Variants in GALNT13 observed in about 807,000 individuals in gnomAD.
GALNT13 encodes UDP-GalNAc:polypeptide N-acetylgalactosaminyltransferase 13.
GALNT13 carries 28 observed loss-of-function variants against 64.2 expected under a neutral mutation model. The observed-to-expected ratio is 0.44, with a 90% confidence interval of 0.32 to 0.60. The LOEUF (loss-of-function observed/expected upper bound fraction) is 0.60. GALNT13 is among the 20% of genes least tolerant of loss of function. GALNT13 has a pLI of 0.05. For synonymous variants in GALNT13, 214 were observed against 224.6 expected (o/e 0.95, Z 0.42); for missense variants, 577 against 669.8 (o/e 0.86, Z 1.53).
intron 8 of GALNT13, among the ~76,000 whole-genome samples, chr2:154,298,500 AC>A (rs1405555249): frequency 0.012 from 1,185 of 102,302 alleles, 20 homozygotes; most frequent in Non-Finnish European, 0.018. Context: ...AATTATATAT[AC>A]ATATATAAAT....
chr2:154,180,009 C>G (rs570474275), intron 4 of GALNT13, among the ~76,000 whole-genome samples: 2 of 152,066 alleles, frequency 1.3e-5, no homozygotes, highest in African/African-American at 4.8e-5. Context: ...AATTTCACAG[C>G]AAACTTTACA....
the GALNT13 span, among the ~76,000 whole-genome samples, chr2:153,593,942 T>C: frequency 6.6e-6 from 1 of 152,138 alleles, no homozygotes; most frequent in African/African-American, 2.4e-5. Flanking sequence ...AGGGCTTCTT[T>C]TTAACTCAAT....
intron 4 of GALNT13, among the ~76,000 whole-genome samples, chr2:154,209,303 A>C (rs1687641592): frequency 6.6e-6 from 1 of 152,160 alleles, no homozygotes; most frequent in South Asian, 2.1e-4. Context: ...TTAGGTCACA[A>C]ATCTCAGTGG....
the GALNT13 span, among the ~76,000 whole-genome samples, chr2:153,562,042 T>TTCTC: frequency 0.13 from 14,946 of 111,950 alleles, 1,259 homozygotes; most frequent in Non-Finnish European, 0.17. Context: ...CTCTCTCTCT[T>TTCTC]TCTCTCTCTC....
chr2:153,281,314 C>T, the GALNT13 span, among the ~76,000 whole-genome samples: 1 of 96,680 alleles, frequency 1.0e-5, no homozygotes, highest in Non-Finnish European at 2.4e-5. Flanking sequence ...GGTGAATGAG[C>T]CTTGCGTTTT....
chr2:153,630,808 T>TATATATATTTA, the GALNT13 span, among the ~76,000 whole-genome samples: 4 of 16,984 alleles, frequency 2.4e-4, no homozygotes, highest in African/African-American at 4.9e-4. Flanking sequence ...TATATATATA[T>TATATATATTTA]TTTTTTTTTT....
At chr2:153,322,645 C>T in the GALNT13 span, among the ~76,000 whole-genome samples, 2 of 152,092 alleles carry the variant, frequency 1.3e-5, no homozygotes, top group Non-Finnish European at 2.9e-5. Context: ...AATGCTATCC[C>T]TCCCCTTGCT....
intron 3 of GALNT13, among the ~76,000 whole-genome samples, chr2:154,026,459 A>C (rs1351093346): frequency 1.3e-5 from 2 of 152,180 alleles, no homozygotes; most frequent in Admixed American, 1.3e-4. Context: ...TAGTGCTGCC[A>C]TCACAGAATA....
chr2:153,292,136 G>A, the GALNT13 span, among the ~76,000 whole-genome samples: 5 of 151,844 alleles, frequency 3.3e-5, no homozygotes, highest in Admixed American at 6.6e-5. Context: ...TTTATATGTC[G>A]CTCAAATGAG....
chr2:154,264,793 GAA>G (rs34673909), intron 8 of GALNT13, among the ~76,000 whole-genome samples: 102,639 of 140,328 alleles, frequency 0.73, 36,655 homozygotes, highest in East Asian at 0.86. Context: ...TATCAGAAAA[GAA>G]AAAAAAAAAA....
chr2:154,050,167 A>T (rs1699507792), intron 3 of GALNT13, among the ~76,000 whole-genome samples: 1 of 152,190 alleles, frequency 6.6e-6, no homozygotes, highest in African/African-American at 2.4e-5. Flanking sequence ...ATTTTAAAGG[A>T]TAATAGTAAT....
At chr2:153,336,223 G>A in the GALNT13 span, among the ~76,000 whole-genome samples, 4 of 152,118 alleles carry the variant, frequency 2.6e-5, no homozygotes, top group Admixed American at 2.6e-4. Context: ...CCTTATTGGG[G>A]CACTGCCTAG....
intron 8 of GALNT13, among the ~76,000 whole-genome samples, chr2:154,299,915 T>C (rs901269943): frequency 6.6e-6 from 1 of 151,858 alleles, no homozygotes; most frequent in African/African-American, 2.4e-5. Flanking sequence ...AATAAAAAAA[T>C]AGATTTACAT....
At chr2:154,170,228 T>C (rs1157340016) in intron 4 of GALNT13, among the ~76,000 whole-genome samples, 1 of 152,142 alleles carries the variant, frequency 6.6e-6, no homozygotes, top group African/African-American at 2.4e-5. Context: ...CCTGCCCACA[T>C]TGGATGAGGG....
the GALNT13 span, among the ~76,000 whole-genome samples, chr2:153,135,910 C>CA: frequency 2.0e-5 from 3 of 151,768 alleles, no homozygotes; most frequent in Admixed American, 1.3e-4. Flanking sequence ...ATAACCCTCA[C>CA]AAAAAAATAA....
At chr2:153,318,271 G>A in the GALNT13 span, among the ~76,000 whole-genome samples, 913 of 152,214 alleles carry the variant, frequency 6.0e-3, 7 homozygotes, top group African/African-American at 0.02. Flanking sequence ...TGTGATTGGC[G>A]TGGAGCCCTG....
the GALNT13 span, among the ~76,000 whole-genome samples, chr2:153,474,174 G>T: frequency 5.9e-5 from 9 of 152,318 alleles, no homozygotes; most frequent in South Asian, 1.4e-3. Context: ...ATATTTTTAA[G>T]ACACATAATT....
At chr2:153,921,947 T>C (rs1689788683) in intron 2 of GALNT13, among the ~76,000 whole-genome samples, 1 of 152,052 alleles carries the variant, frequency 6.6e-6, no homozygotes, top group South Asian at 2.1e-4. Context: ...ATAAACATAA[T>C]TTAAATACGT....
In GALNT13 at chr2:154,242,800, G is replaced by A. The variant is rs374003992; in HGVS notation, c.581G>A (p.Arg194Gln). ...ERSGLIRARL[R>Q]GAAASKGQVI... ...TCTGGGTTAATACGTGCCCGTCTTC[G>A]AGGAGCAGCTGCTTCAAAAGGGCAG... The change falls in exon 6 of 13, where the codon CGA becomes CAA. Residue 194 changes from arginine to glutamine, a missense_variant. Physicochemically the swap from Arg to Gln is conservative, Grantham distance 43. Coordinates refer to ENST00000392825, the MANE Select transcript of GALNT13 (RefSeq NM_052917.4). The A allele has an allele frequency of 1.4e-5, 23 of 1,613,986 alleles. No individual in the cohort carries two copies. The highest frequency in any genetic ancestry group is 2.2e-5 in the South Asian group (2 of 91,086).
Sources: allele counts gnomAD v4.1 joint callset (sites outside exome capture counted in the v4.1 genomes callset), GRCh38; gene constraint gnomAD v4.1.1; transcripts MANE v1.5; gene names NCBI Gene and HGNC (gene_info 2026-07-23, HGNC 2026-07-21).